COL25A1: variants seen among roughly 807,000 people sequenced by gnomAD.
COL25A1 encodes collagen alpha-1(XXV) chain.
Under a neutral mutation model 128.4 loss-of-function variants are expected in COL25A1, and 103 were observed. The observed-to-expected ratio is 0.80, with a 90% confidence interval of 0.68 to 0.94. The LOEUF is 0.94. Ranked by LOEUF, COL25A1 falls within the 40% of genes least tolerant of loss-of-function variation. The probability of loss-of-function intolerance (pLI) is 0.00; values close to 1 mark genes in which losing one functional copy is unlikely to be tolerated. For missense variants in COL25A1, 745 were observed against 840.0 expected, an observed-to-expected ratio of 0.89 and a Z score of 1.40; for synonymous variants, 279 against 277.2, an observed-to-expected ratio of 1.01 and a Z score of -0.06.
Position 108,868,945 on chromosome 4 carries a change from AAAAG to A in COL25A1, c.1083+139_1083+142del, listed in dbSNP as rs201427800. The A allele has an allele frequency of 4.4e-3, 2,525 of 567,758 alleles. 56 individuals carry two copies. The East Asian group carries it at 0.049, about 11-fold the overall frequency. 35.2% of individuals were successfully genotyped at this position (567,758 alleles called of 1,614,324 possible). On this transcript the variant is annotated intron_variant, in intron 20 of 37. Transcript: ENST00000399132. ...AAAGAAAAGAAGGAAGGAAAGAAAG[AAAAG>A]AAAGAAAGAAAAAGGAAAGAAAGGA...
intron 3 of COL25A1, among the ~76,000 whole-genome samples, chr4:109,228,039 A>G (rs1072182): frequency 0.39 from 58,851 of 151,936 alleles, 12,665 homozygotes; most frequent in African/African-American, 0.57. Context: ...GCAGGCCTGG[A>G]GTTCTGATGT....
At chr4:109,214,875 A>C (rs1358909878) in intron 3 of COL25A1, among the ~76,000 whole-genome samples, 2 of 152,156 alleles carry the variant, frequency 1.3e-5, no homozygotes, top group Non-Finnish European at 2.9e-5. Context: ...CTAACGAGAC[A>C]GAGCTTGACA....
chr4:109,106,719 C>G (rs1427867876), intron 3 of COL25A1, among the ~76,000 whole-genome samples: 2 of 141,796 alleles, frequency 1.4e-5, no homozygotes, highest in African/African-American at 5.3e-5. Flanking sequence ...CCACCAATCA[C>G]TTTGGGACTA....
chr4:109,063,955 C>G (rs1560622160), intron 3 of COL25A1, among the ~76,000 whole-genome samples: 1 of 152,052 alleles, frequency 6.6e-6, no homozygotes, highest in Non-Finnish European at 1.5e-5. Flanking sequence ...CTTACGGAAC[C>G]TAAGGCACAG....
At chr4:108,863,206 CTATT>C in intron 21 of COL25A1, 109 bp downstream of exon 21, 1 of 961,916 alleles carries the variant, frequency 1.0e-6, no homozygotes, top group Non-Finnish European at 1.6e-6. Context: ...TTTCAACAAA[CTATT>C]TGTGATTTGG....
At chr4:109,149,552 T>C (rs1771269138) in intron 3 of COL25A1, among the ~76,000 whole-genome samples, 1 of 152,148 alleles carries the variant, frequency 6.6e-6, no homozygotes, top group African/African-American at 2.4e-5. Flanking sequence ...TAAAAATTTA[T>C]GGCATCGGCT....
At position 109,243,676 on chromosome 4, in the gene COL25A1, T is replaced by C. The variant is rs568100257; in HGVS notation, c.367+56907A>G. On this transcript the variant is annotated intron_variant, in intron 3 of 37. Coordinates refer to ENST00000399132, the MANE Select transcript of COL25A1 (RefSeq NM_198721.4). ...ACAATGAGGACAGAACCAAAAGAAA[T>C]AGCCTTAAATTCCAATATGAATAAT... 3.9e-5 allele frequency among the ~76,000 whole-genome samples: 6 copies of C among 152,066 alleles called. No homozygotes were observed. The South Asian group carries it at 1.2e-3, about 31-fold the overall frequency.
intron 16 of COL25A1, among the ~76,000 whole-genome samples, chr4:108,891,524 A>G (rs1425109932): frequency 2.0e-5 from 3 of 152,184 alleles, no homozygotes; most frequent in Admixed American, 1.3e-4. Flanking sequence ...TTATACAATA[A>G]TATCTTTGAA....
At chr4:109,009,709 T>C (rs1295744816) in intron 6 of COL25A1, among the ~76,000 whole-genome samples, 3 of 152,202 alleles carry the variant, frequency 2.0e-5, no homozygotes, top group African/African-American at 2.4e-5. Flanking sequence ...GGGATTATAA[T>C]TAGTATTGAT....
At chr4:109,102,920 C>T (rs1579372513) in intron 3 of COL25A1, among the ~76,000 whole-genome samples, 1 of 152,220 alleles carries the variant, frequency 6.6e-6, no homozygotes, top group African/African-American at 2.4e-5. Flanking sequence ...AGACTATTTA[C>T]ATTTAATGCA....
At chr4:109,168,502 G>A (rs1773282384) in intron 3 of COL25A1, among the ~76,000 whole-genome samples, 1 of 152,100 alleles carries the variant, frequency 6.6e-6, no homozygotes, top group Non-Finnish European at 1.5e-5. Context: ...TTTATTGTAT[G>A]CATTTTACAC....
intron 3 of COL25A1, among the ~76,000 whole-genome samples, chr4:109,279,893 A>G (rs1013130875): frequency 1.3e-5 from 2 of 152,114 alleles, no homozygotes; most frequent in Admixed American, 1.3e-4. Flanking sequence ...TGAAAATTCT[A>G]CATTTGGGGT....
chr4:108,939,998 C>T (rs780069091), intron 10 of COL25A1, among the ~76,000 whole-genome samples: 40 of 152,034 alleles, frequency 2.6e-4, no homozygotes, highest in Admixed American at 9.2e-4. Flanking sequence ...ATTCATTTTA[C>T]GGTTATTAGC....
intron 3 of COL25A1, among the ~76,000 whole-genome samples, chr4:109,097,790 AG>A (rs1765534227): frequency 6.8e-6 from 1 of 148,112 alleles, no homozygotes; most frequent in Non-Finnish European, 1.5e-5. Context: ...CAGCCTCCCC[AG>A]TAGCTCGTAC....
rs1030713365 is a variant in COL25A1, at chr4:109,219,795, T to C, written c.367+80788A>G. Among the ~76,000 whole-genome samples the C allele has an allele frequency of 3.4e-4, 52 of 152,310 alleles. 1 individual carries two copies. The highest frequency in any genetic ancestry group is 1.2e-3 in the African/African-American group (49 of 41,566). On this transcript the variant is annotated intron_variant, in intron 3 of 37. Transcript: ENST00000399132. ...AGTTTATTCTTGAGATCACCTTCTA[T>C]ATGACAATATAAAATTACAAAGTGC... is the stretch of plus-strand genomic sequence containing the variant.
chr4:109,094,045 G>C (rs541335302), intron 3 of COL25A1, among the ~76,000 whole-genome samples: 1 of 152,160 alleles, frequency 6.6e-6, no homozygotes, highest in South Asian at 2.1e-4. Context: ...AAACAATAGA[G>C]CTTCAATAAA....
chr4:108,909,597 G>T (rs1032799261), intron 13 of COL25A1, among the ~76,000 whole-genome samples: 3 of 152,184 alleles, frequency 2.0e-5, no homozygotes, highest in Admixed American at 1.3e-4. Context: ...TGTTCATGTA[G>T]ACAGAAATAT....
Position 109,191,617 on chromosome 4 carries a change from T to C in COL25A1, c.367+108966A>G, listed in dbSNP as rs975133722. 7.2e-5 allele frequency among the ~76,000 whole-genome samples: 11 copies of C among 152,344 alleles called. No homozygotes were observed. The East Asian group carries it at 2.1e-3, about 29-fold the overall frequency. ...ATACATTTTAGGTTAATAGACCCAA[T>C]ATTTATTGCCCCGAAAATAGTGATT... On this transcript the variant is annotated intron_variant, in intron 3 of 37. Transcript: ENST00000399132.
chr4:109,245,033 A>G (rs2126235524), intron 3 of COL25A1, among the ~76,000 whole-genome samples: 1 of 152,268 alleles, frequency 6.6e-6, no homozygotes, highest in Non-Finnish European at 1.5e-5. Context: ...TGGCACTATA[A>G]TTGACACAGT....
Sources: allele counts gnomAD v4.1 joint callset (sites outside exome capture counted in the v4.1 genomes callset), GRCh38; gene constraint gnomAD v4.1.1; transcripts MANE v1.5; gene names NCBI Gene and HGNC (gene_info 2026-07-23, HGNC 2026-07-21).